SOD2: variants seen among roughly 807,000 people sequenced by gnomAD.
The protein encoded by SOD2 is superoxide dismutase [Mn], mitochondrial.
SOD2 carries 11 observed loss-of-function variants against 27.0 expected under a neutral mutation model. That is an observed-to-expected ratio of 0.41 (90% CI 0.26 to 0.67). The LOEUF (loss-of-function observed/expected upper bound fraction) is 0.67. Among genes scored for constraint, SOD2 ranks in the 30% least tolerant of loss-of-function variants. The pLI is 0.34. For missense variants in SOD2, 250 were observed against 274.5 expected, an observed-to-expected ratio of 0.91 and a Z score of 0.63; for synonymous variants, 105 against 103.0, an observed-to-expected ratio of 1.02 and a Z score of -0.12.
At chr6:159,732,917 G>GTGTGTGTT (rs1387845552) in intron 1 of SOD2, among the ~76,000 whole-genome samples, 35 of 139,178 alleles carry the variant, frequency 2.5e-4, no homozygotes, top group African/African-American at 9.0e-4. Flanking sequence ...GTGTGTGTGT[G>GTGTGTGTT]TAAAATTGAT....
intron 1 of SOD2, among the ~76,000 whole-genome samples, chr6:159,708,377 C>G (rs566245386): frequency 9.8e-5 from 15 of 152,340 alleles, no homozygotes; most frequent in African/African-American, 3.4e-4. Context: ...ACCCCATCAT[C>G]TCAGCCCAAA....
At chr6:159,754,226 T>C (rs371333466) in intron 1 of SOD2, among the ~76,000 whole-genome samples, 32 of 152,224 alleles carry the variant, frequency 2.1e-4, no homozygotes, top group African/African-American at 7.2e-4. Flanking sequence ...AGATGATCAG[T>C]AGCCAAGTAA....
intron 1 of SOD2, among the ~76,000 whole-genome samples, chr6:159,714,696 T>C (rs1271928120): frequency 6.6e-6 from 1 of 152,214 alleles, no homozygotes; most frequent in African/African-American, 2.4e-5. Flanking sequence ...GCCTAACTAA[T>C]CACATCACAG....
chr6:159,693,034 G>A, intron 1 of SOD2, 111 bp downstream of exon 1: 2 of 1,452,690 alleles, frequency 1.4e-6, no homozygotes, highest in Admixed American at 2.3e-5. Context: ...GCCTGCAGGT[G>A]CCCCGGTCCC....
At chr6:159,741,134 A>G (rs1779231527) in intron 1 of SOD2, among the ~76,000 whole-genome samples, 3 of 152,228 alleles carry the variant, frequency 2.0e-5, no homozygotes, top group Admixed American at 6.5e-5. Flanking sequence ...GATAGCAGAC[A>G]TTCAGGGCAG....
At chr6:159,692,362 C>T in intron 2 of SOD2, 2 of 1,255,514 alleles carry the variant, frequency 1.6e-6, no homozygotes, top group South Asian at 5.6e-5. Flanking sequence ...TCAGGCCCTA[C>T]AATTCACCAG....
At chr6:159,721,666 G>A (rs1778042553) in intron 1 of SOD2, among the ~76,000 whole-genome samples, 1 of 144,952 alleles carries the variant, frequency 6.9e-6, no homozygotes, top group South Asian at 2.2e-4. Flanking sequence ...ATGAGCCACT[G>A]CGGCTGACCT....
chr6:159,720,542 GTA>G (rs1259494846), intron 1 of SOD2: 2 of 152,856 alleles, frequency 1.3e-5, no homozygotes, highest in African/African-American at 4.8e-5. Context: ...AAGGATGGTA[GTA>G]AGTTAACTTT....
Position 159,736,326 on chromosome 6 carries a change from T to C in SOD2, c.-116+8804A>G, listed in dbSNP as rs755980403. ...GGTTTTGGTTTTGGGTTTTTTTGTT[T>C]TGTTTTGGGTTTTTTGGGGGCTTTT... On this transcript the variant is annotated intron_variant, in intron 1 of 3. Coordinates refer to the SOD2 transcript ENST00000537657. 3.8e-6 allele frequency: 6 copies of C among 1,575,784 alleles called. No homozygotes were observed. The South Asian group carries it at 5.8e-5, about 15-fold the overall frequency.
At chr6:159,740,602 T>C (rs2114915681) in intron 1 of SOD2, among the ~76,000 whole-genome samples, 1 of 152,300 alleles carries the variant, frequency 6.6e-6, no homozygotes, top group Middle Eastern at 3.4e-3. Context: ...TGTCTTAGGT[T>C]GTAAGTGCCG....
intron 1 of SOD2, among the ~76,000 whole-genome samples, chr6:159,752,899 A>G (rs769154110): frequency 9.9e-5 from 15 of 152,190 alleles, no homozygotes; most frequent in Non-Finnish European, 5.9e-5. Flanking sequence ...GTGCCTGGCT[A>G]CTTTTTAAAA....
At chr6:159,757,767 A>T (rs1780045361) in intron 1 of SOD2, among the ~76,000 whole-genome samples, 3 of 152,208 alleles carry the variant, frequency 2.0e-5, no homozygotes, top group African/African-American at 7.2e-5. Flanking sequence ...TACGATTTTT[A>T]ATTTGCATGT....
chr6:159,727,379 G>GAGGCGGGAGGCGGGAGGCGGGAGGCGA (rs1562446868), upstream of SOD2: 10 of 1,128,340 alleles, frequency 8.9e-6, no homozygotes, highest in South Asian at 1.2e-4. Context: ...GAGGCTGGCG[G>GAGGCGGGAGGCGGGAGGCGGGAGGCGA]GAGGCGGGAG....
In SOD2 at chr6:159,677,662, C is replaced by T. The variant is rs1301421564; in HGVS notation, c.*4831G>A. On this transcript the variant is annotated 3_prime_UTR_variant, in exon 5 of 5. Transcript: ENST00000538183. ...TAAGAGACAGGGTCTCACACTGTCA[C>T]CCAGGCTGGAGTGCAGTAGCACAAT... The T allele has an allele frequency of 6.6e-6, 1 of 152,164 alleles. No homozygotes were observed. Among genetic ancestry groups the T allele is most frequent in the African/African-American group, 2.4e-5 (1 of 41,428 alleles). 9.4% of individuals were successfully genotyped at this position (152,164 alleles called of 1,614,324 possible).
rs910038277 is a variant in SOD2 at position 159,671,772 on chromosome 6, C to T, written c.*10721G>A. The T allele has an allele frequency of 6.6e-6, 1 of 152,164 alleles. No homozygotes were observed. The highest frequency in any genetic ancestry group is 2.4e-5 in the African/African-American group (1 of 41,450). The allele number at this position is 152,164 out of a possible 1,614,324, so 9.4% of individuals were successfully genotyped here. Reference sequence around the variant, plus strand: ...ACTTTGACGAGTTGAGAGAAGAAGGCTTCAGATGATCAAACTTCTCCAAGC... The same window carrying T: ...ACTTTGACGAGTTGAGAGAAGAAGGTTTCAGATGATCAAACTTCTCCAAGC... On this transcript the variant is annotated 3_prime_UTR_variant, in exon 5 of 5. Transcript: ENST00000538183.
intron 2 of SOD2, among the ~76,000 whole-genome samples, chr6:159,690,658 T>C (rs1780417186): frequency 6.6e-6 from 1 of 152,146 alleles, no homozygotes; most frequent in South Asian, 2.1e-4. Flanking sequence ...TTAAATTTTC[T>C]TGAGAGTCAC....
chr6:159,739,034 G>A, intron 1 of SOD2: 2 of 1,610,974 alleles, frequency 1.2e-6, no homozygotes, highest in East Asian at 2.2e-5. Flanking sequence ...CAAGAGATGA[G>A]TTAATTCTAA....
At chr6:159,693,073 T>C (rs1777309986) in intron 1 of SOD2, 72 bp downstream of exon 1, 10 of 1,506,564 alleles carry the variant, frequency 6.6e-6, no homozygotes, top group Non-Finnish European at 8.8e-6. Flanking sequence ...ACTGTCGCCA[T>C]TGCCGCGGAG....
chr6:159,736,351 T>C, intron 1 of SOD2: 2 of 1,347,338 alleles, frequency 1.5e-6, no homozygotes, highest in Non-Finnish European at 2.1e-6. Context: ...TGGGGGCTTT[T>C]TTAAGCACTT....
Sources: gnomAD v4.1 joint callset for allele counts (sites outside exome capture counted in the v4.1 genomes callset) on GRCh38, gnomAD v4.1.1 for gene constraint, MANE v1.5 for transcripts, NCBI Gene and HGNC (gene_info 2026-07-23, HGNC 2026-07-21) for gene names.